CTTNBP2: variants seen among roughly 807,000 people sequenced by gnomAD.
CTTNBP2 encodes cortactin-binding protein 2.
CTTNBP2 carries 108 observed loss-of-function variants against 156.9 expected under a neutral mutation model. The ratio of observed to expected loss-of-function variants is 0.69; its 90% CI spans 0.59 to 0.81. CTTNBP2 has a LOEUF of 0.81. Ranked by LOEUF, CTTNBP2 falls within the 30% of genes least tolerant of loss-of-function variation. The pLI is 0.00. For synonymous variants in CTTNBP2, 767 were observed against 751.8 expected (o/e 1.02, Z -0.33); for missense variants, 1,924 against 2,035.4 (o/e 0.95, Z 1.05).
At chr7:117,865,300 C>T (rs897155516) in intron 1 of CTTNBP2, among the ~76,000 whole-genome samples, 4 of 151,694 alleles carry the variant, frequency 2.6e-5, no homozygotes, top group African/African-American at 9.7e-5. Flanking sequence ...ATTGAACTTG[C>T]TTTTCCCAAT....
chr7:117,744,213 A>T (rs1225825055), intron 14 of CTTNBP2, among the ~76,000 whole-genome samples: 1 of 152,220 alleles, frequency 6.6e-6, no homozygotes, highest in African/African-American at 2.4e-5. Flanking sequence ...CAATTAAGTT[A>T]TTACTGACTA....
intron 14 of CTTNBP2, among the ~76,000 whole-genome samples, chr7:117,738,487 G>C (rs1795827579): frequency 6.6e-6 from 1 of 152,144 alleles, no homozygotes; most frequent in Non-Finnish European, 1.5e-5. Context: ...AAGAGATGAT[G>C]GGAGCCTCAC....
intron 16 of CTTNBP2, among the ~76,000 whole-genome samples, chr7:117,731,639 A>T (rs1795404740): frequency 6.6e-6 from 1 of 152,218 alleles, no homozygotes; most frequent in African/African-American, 2.4e-5. Flanking sequence ...TTAGTACTGG[A>T]GCTTGGTGTG....
chr7:117,774,162 C>A (rs929518166), intron 8 of CTTNBP2, among the ~76,000 whole-genome samples: 1 of 152,022 alleles, frequency 6.6e-6, no homozygotes, highest in African/African-American at 2.4e-5. Flanking sequence ...AATAGTCAGG[C>A]CAGCTGTAGA....
At chr7:117,840,174 C>T (rs573177410) in intron 2 of CTTNBP2, among the ~76,000 whole-genome samples, 14 of 152,186 alleles carry the variant, frequency 9.2e-5, no homozygotes, top group Admixed American at 3.9e-4. Context: ...ATGAATCCAT[C>T]GGCTTTTGAA....
chr7:117,826,800 AAAAG>A (rs1171085341), intron 2 of CTTNBP2, among the ~76,000 whole-genome samples: 2 of 149,882 alleles, frequency 1.3e-5, no homozygotes, highest in Admixed American at 6.7e-5. Flanking sequence ...TCAATAATTT[AAAAG>A]AAAGTTAAAA....
intron 2 of CTTNBP2, among the ~76,000 whole-genome samples, chr7:117,843,544 C>T (rs1430093373): frequency 6.6e-6 from 1 of 152,040 alleles, no homozygotes; most frequent in East Asian, 1.9e-4. Flanking sequence ...GCAAGGGGGC[C>T]AGTAGGGCTG....
chr7:117,792,792 T>C lies in CTTNBP2; in HGVS notation c.415-11A>G, dbSNP rs756201556. On this transcript the variant is annotated splice_polypyrimidine_tract_variant and intron_variant, in intron 3 of 22. Transcript: ENST00000160373. This position sits in a 1 kb window ranked among gnomAD's most constrained non-coding sequence, Gnocchi z 4.2. Reference sequence around the variant, plus strand: ...CTTCTCCATTTCCAGCTGAAAGAAATTCACAGGAAAACCCTGATTAATATA... The same window carrying C: ...CTTCTCCATTTCCAGCTGAAAGAAACTCACAGGAAAACCCTGATTAATATA... 1 of 1,521,770 alleles carries C rather than the reference T, an allele frequency of 6.6e-7. No homozygotes were observed. Among genetic ancestry groups the C allele is most frequent in the Admixed American group, 2.3e-5 (1 of 44,012 alleles). 94.3% of individuals were successfully genotyped at this position (1,521,770 alleles called of 1,614,324 possible).
Position 117,811,075 on chromosome 7 carries a change from C to T in CTTNBP2, c.190-86G>A. On this transcript the variant is annotated intron_variant, in intron 2 of 22. Transcript: ENST00000160373. ...ATAAGAAGGTTTTGTGATTATACTT[C>T]CAAATGGTATTCTCAACTGCTGTGA... is the stretch of plus-strand genomic sequence containing the variant. The T allele has an allele frequency of 2.1e-6, 2 of 972,616 alleles. 1 individual carries two copies. The highest frequency in any genetic ancestry group is 3.1e-5 in the South Asian group (2 of 63,892). 60.2% of individuals were successfully genotyped at this position (972,616 alleles called of 1,614,324 possible).
Position 117,846,760 on chromosome 7 carries a change from T to C in CTTNBP2, c.189+14449A>G, listed in dbSNP as rs1203851574. On this transcript the variant is annotated intron_variant, in intron 2 of 22. Coordinates refer to ENST00000160373, the MANE Select transcript of CTTNBP2 (RefSeq NM_033427.3). ...AAAAGTTGCTCCATTATTATTACGA[T>C]CTAACCATCTTCATTCCTTAGTTAA... Among the ~76,000 whole-genome samples, 4 of 152,260 alleles carry C rather than the reference T, an allele frequency of 2.6e-5. No homozygotes were observed. In the East Asian group the frequency reaches 7.7e-4, roughly 29 times the overall value.
At position 117,792,675 on chromosome 7, in the gene CTTNBP2, A is replaced by G. The variant is rs1394831280; in HGVS notation, c.521T>C (p.Leu174Pro). The G allele has an allele frequency of 6.2e-7, 1 of 1,614,006 alleles. No homozygotes were observed. The highest frequency in any genetic ancestry group is 1.1e-5 in the South Asian group (1 of 91,056). ...TGAGAGCTGCTTGCACTCTTTGACC[A>G]GCATCAGGACCACCTGCTTGTTCTT... Reference protein sequence around the residue: ...RGKNKQVVLMLVKECKQLSGK... With the variant: ...RGKNKQVVLMPVKECKQLSGK... Residue 174 changes from leucine (L) to proline (P), a missense_variant, in exon 4 of 23, where the codon CTG (leucine) becomes CCG (proline). Coordinates refer to ENST00000160373, the MANE Select transcript of CTTNBP2 (RefSeq NM_033427.3). This position sits in a 1 kb window ranked among gnomAD's most constrained non-coding sequence, Gnocchi z 4.2.
chr7:117,773,727 GA>G (rs1326127936), intron 8 of CTTNBP2, among the ~76,000 whole-genome samples: 5 of 136,588 alleles, frequency 3.7e-5, no homozygotes, highest in African/African-American at 1.4e-4. Context: ...ACAAAAAGCA[GA>G]AAAACAAATA....
chr7:117,772,886 G>T (rs1797868735), intron 8 of CTTNBP2, among the ~76,000 whole-genome samples: 2 of 152,182 alleles, frequency 1.3e-5, no homozygotes, highest in Non-Finnish European at 2.9e-5. Flanking sequence ...ACCCTGGGCA[G>T]CCAAGTTTAC....
intron 3 of CTTNBP2, among the ~76,000 whole-genome samples, chr7:117,799,646 T>A (rs1215465575): frequency 1.3e-5 from 2 of 152,036 alleles, no homozygotes; most frequent in East Asian, 3.8e-4. Context: ...TTCTAGTCAC[T>A]GCAATAATTC....
chr7:117,724,438 T>G (rs907139873), intron 19 of CTTNBP2, 109 bp downstream of exon 19: 1 of 959,968 alleles, frequency 1.0e-6, no homozygotes, highest in Non-Finnish European at 1.5e-6. Flanking sequence ...ATACTTAAAC[T>G]TTGTTTTACC....
At chr7:117,850,955 TA>T (rs1802896398) in intron 2 of CTTNBP2, among the ~76,000 whole-genome samples, 1 of 152,208 alleles carries the variant, frequency 6.6e-6, no homozygotes, top group African/African-American at 2.4e-5. Context: ...AGCTAAGCAC[TA>T]AAAAGGCTGT....
chr7:117,852,092 C>T (rs1802964133), intron 2 of CTTNBP2, among the ~76,000 whole-genome samples: 1 of 152,094 alleles, frequency 6.6e-6, no homozygotes, highest in East Asian at 1.9e-4. Context: ...ACTTAAAATA[C>T]TGAACTCTTC....
At chr7:117,717,885 ACCTTTAT>A (rs1469438286) in intron 22 of CTTNBP2, 126 bp downstream of exon 22, 11 of 616,004 alleles carry the variant, frequency 1.8e-5, no homozygotes, top group Non-Finnish European at 2.9e-5. Context: ...GAACACTTTT[ACCTTTAT>A]CCTATTTCTC....
intron 2 of CTTNBP2, among the ~76,000 whole-genome samples, chr7:117,828,936 G>C (rs1419914628): frequency 6.6e-6 from 1 of 152,184 alleles, no homozygotes; most frequent in African/African-American, 2.4e-5. Context: ...TGCTCCAAAG[G>C]AGTTTAGCCC....
Sources: gnomAD v4.1 joint callset for allele counts (sites outside exome capture counted in the v4.1 genomes callset) on GRCh38, gnomAD v4.1.1 for gene constraint, Gnocchi (gnomAD v3.1) non-coding constraint, MANE v1.5 for transcripts, NCBI Gene and HGNC (gene_info 2026-07-23, HGNC 2026-07-21) for gene names.